Variants in ZNF365 observed in about 807,000 individuals in gnomAD.
The protein encoded by ZNF365 is protein ZNF365.
ZNF365 carries 22 observed loss-of-function variants against 35.0 expected under a neutral mutation model. That is an observed-to-expected ratio of 0.63 (90% CI 0.45 to 0.90). The LOEUF is 0.90. Ranked by LOEUF, ZNF365 falls within the 40% of genes least tolerant of loss-of-function variation. The pLI is 0.00. For missense variants in ZNF365, 448 were observed against 500.3 expected, an observed-to-expected ratio of 0.90 and a Z score of 1.00; for synonymous variants, 188 against 196.2, an observed-to-expected ratio of 0.96 and a Z score of 0.35.
downstream of ZNF365, among the ~76,000 whole-genome samples, chr10:62,403,387 G>A (rs111447414): frequency 0.032 from 4,840 of 152,188 alleles, 280 homozygotes; most frequent in African/African-American, 0.11. Context: ...CGCCGGGTGC[G>A]GTGGCTCACG....
chr10:62,462,727 G>A (rs1840868078), intron 4 of ZNF365, among the ~76,000 whole-genome samples: 2 of 152,130 alleles, frequency 1.3e-5, no homozygotes, highest in Admixed American at 6.5e-5. Flanking sequence ...TAAATTTCCT[G>A]CCAGCTTGGT....
At chr10:62,472,669 C>T (rs575832356) in intron 4 of ZNF365, among the ~76,000 whole-genome samples, 3 of 152,252 alleles carry the variant, frequency 2.0e-5, no homozygotes, top group South Asian at 2.1e-4. Flanking sequence ...TGAGACAATA[C>T]GTTTCTATTG....
intron 4 of ZNF365, among the ~76,000 whole-genome samples, chr10:62,460,907 T>A (rs982906902): frequency 2.6e-5 from 4 of 152,184 alleles, no homozygotes; most frequent in African/African-American, 9.7e-5. Context: ...TGTCCAGGTG[T>A]GAAGCAATCG....
chr10:62,406,820 C>T (rs555597424), downstream of ZNF365, among the ~76,000 whole-genome samples: 1 of 152,262 alleles, frequency 6.6e-6, no homozygotes, highest in African/African-American at 2.4e-5. Flanking sequence ...AGCGTAAGCC[C>T]CTCAGGTCTG....
intron 3 of ZNF365, among the ~76,000 whole-genome samples, chr10:62,435,938 C>T (rs938548114): frequency 1.3e-5 from 2 of 152,154 alleles, no homozygotes; most frequent in Admixed American, 6.5e-5. Flanking sequence ...GCTACCCATT[C>T]TGACAGTTCT....
At chr10:62,411,100 C>A (rs1285902350) in intron 3 of ZNF365, among the ~76,000 whole-genome samples, 1 of 152,120 alleles carries the variant, frequency 6.6e-6, no homozygotes, top group Non-Finnish European at 1.5e-5. Context: ...TGTTCATGCC[C>A]TTTGCCCACT....
At chr10:62,409,176 GA>G (rs1274970524) in intron 3 of ZNF365, among the ~76,000 whole-genome samples, 4 of 152,168 alleles carry the variant, frequency 2.6e-5, no homozygotes, top group Non-Finnish European at 5.9e-5. Flanking sequence ...TTAACTTAAA[GA>G]GGTAGGATGT....
At chr10:62,425,703 C>T (rs931405800) in intron 3 of ZNF365, among the ~76,000 whole-genome samples, 7 of 152,288 alleles carry the variant, frequency 4.6e-5, no homozygotes, top group Admixed American at 2.0e-4. Context: ...ACTGCACACT[C>T]GGCATTCCCC....
intron 4 of ZNF365, among the ~76,000 whole-genome samples, chr10:62,464,754 A>T (rs1272169331): frequency 6.6e-6 from 1 of 152,240 alleles, no homozygotes; most frequent in Non-Finnish European, 1.5e-5. Context: ...TTATCACTTT[A>T]TGGATCCTCA....
At chr10:62,374,902 C>T (rs1457834686) in intron 1 of ZNF365, among the ~76,000 whole-genome samples, 1 of 152,184 alleles carries the variant, frequency 6.6e-6, no homozygotes, top group Non-Finnish European at 1.5e-5. Flanking sequence ...CTATGCTGAG[C>T]CAGGGTTTGC....
At chr10:62,430,256 T>C (rs2132455407) in intron 3 of ZNF365, among the ~76,000 whole-genome samples, 1 of 30,158 alleles carries the variant, frequency 3.3e-5, no homozygotes, top group Non-Finnish European at 8.3e-5. Context: ...GGAAAAGGTT[T>C]TTTTTTTTTT....
intron 4 of ZNF365, among the ~76,000 whole-genome samples, chr10:62,479,340 C>T (rs1366636210): frequency 6.6e-6 from 1 of 152,140 alleles, no homozygotes; most frequent in Non-Finnish European, 1.5e-5. Context: ...AGAAAAAGCA[C>T]AGAAGACAAC....
chr10:62,444,859 T>C (rs7895828), intron 3 of ZNF365, among the ~76,000 whole-genome samples: 1,674 of 152,258 alleles, frequency 0.011, 36 homozygotes, highest in African/African-American at 0.038. Context: ...TGTGCCATGC[T>C]GGTGTGCTGC....
intron 3 of ZNF365, among the ~76,000 whole-genome samples, chr10:62,454,994 T>C (rs4746124): frequency 3.3e-5 from 5 of 152,184 alleles, no homozygotes; most frequent in Admixed American, 2.6e-4. Context: ...TAGAAGAATG[T>C]TCCTCCTTGT....
intron 1 of ZNF365, chr10:62,375,850 T>C (rs1839314707): frequency 4.4e-6 from 1 of 228,254 alleles, no homozygotes; most frequent in African/African-American, 2.3e-5. Flanking sequence ...TACCCACCTT[T>C]TTGATTCTAG....
chr10:62,376,047 A>T, intron 1 of ZNF365, 134 bp from the exon 2 acceptor site: 2 of 946,990 alleles, frequency 2.1e-6, no homozygotes, highest in Non-Finnish European at 3.2e-6. Context: ...TGTAGGTTTT[A>T]AGTGCAACAT....
In ZNF365 at chr10:62,432,674, G is replaced by A. The variant is rs142280923; in HGVS notation, c.925-27067G>A. ...TTAATACCTCCATATTTTCAGTTTAGCCTGATGTTGGGTAAAATGTAAATG... is the reference window on the plus strand; with the variant it reads ...TTAATACCTCCATATTTTCAGTTTAACCTGATGTTGGGTAAAATGTAAATG... On this transcript the variant is annotated intron_variant, in intron 3 of 4. Coordinates refer to the ZNF365 transcript ENST00000395255. Among the ~76,000 whole-genome samples, 11 of 152,172 alleles carry A rather than the reference G, an allele frequency of 7.2e-5. No individual in the cohort carries two copies. The East Asian group carries it at 1.4e-3, about 19-fold the overall frequency.
chr10:62,477,244 A>G (rs1841147285), intron 4 of ZNF365, among the ~76,000 whole-genome samples: 1 of 152,228 alleles, frequency 6.6e-6, no homozygotes, highest in Admixed American at 6.5e-5. Flanking sequence ...GTGGAGAAAG[A>G]GAACACTAAC....
intron 3 of ZNF365, among the ~76,000 whole-genome samples, chr10:62,417,502 G>GGA (rs1298225367): frequency 6.6e-6 from 1 of 151,996 alleles, no homozygotes; most frequent in African/African-American, 2.4e-5. Flanking sequence ...GAGAAGAAAT[G>GGA]AAAATCAGCT....
Sources: allele counts gnomAD v4.1 joint callset (sites outside exome capture counted in the v4.1 genomes callset), GRCh38; gene constraint gnomAD v4.1.1; transcripts MANE v1.5; gene names NCBI Gene and HGNC (gene_info 2026-07-23, HGNC 2026-07-21).